The following MAGI3 variants were observed in gnomAD, a reference collection of about 807,000 sequenced individuals.
MAGI3 encodes the protein membrane-associated guanylate kinase, WW and PDZ domain-containing protein 3.
MAGI3 carries 43 observed loss-of-function variants against 121.8 expected under a neutral mutation model. The observed-to-expected ratio is 0.35, with a 90% CI of 0.28 to 0.46. The LOEUF is 0.46. Ranked by LOEUF, MAGI3 falls within the 20% of genes least tolerant of loss-of-function variation. MAGI3 has a pLI of 1.00. For missense variants in MAGI3, 1,547 were observed against 1,797.3 expected (o/e 0.86, Z 2.52); for synonymous variants, 553 against 639.3 (o/e 0.86, Z 2.04).
intron 1 of MAGI3, among the ~76,000 whole-genome samples, chr1:113,503,647 C>T (rs1385449145): frequency 6.6e-6 from 1 of 151,964 alleles, no homozygotes; most frequent in Non-Finnish European, 1.5e-5. Context: ...TACTTGGCAT[C>T]AAGTTGATAT....
intron 1 of MAGI3, among the ~76,000 whole-genome samples, chr1:113,408,079 A>G (rs1651784281): frequency 6.6e-6 from 1 of 152,160 alleles, no homozygotes; most frequent in Non-Finnish European, 1.5e-5. Flanking sequence ...TGTGCCTTGC[A>G]TACCTACTAT....
At chr1:113,464,367 T>C (rs1171445982) in intron 1 of MAGI3, among the ~76,000 whole-genome samples, 1 of 152,186 alleles carries the variant, frequency 6.6e-6, no homozygotes, top group Non-Finnish European at 1.5e-5. Flanking sequence ...CCATTGTGTA[T>C]ACATACTACA....
chr1:113,588,364 G>C (rs765770700), intron 4 of MAGI3, among the ~76,000 whole-genome samples: 2 of 152,178 alleles, frequency 1.3e-5, no homozygotes, highest in Non-Finnish European at 2.9e-5. Context: ...TATGTGGTTG[G>C]AGCAGAGTGA....
At chr1:113,465,490 T>C (rs375753710) in intron 1 of MAGI3, among the ~76,000 whole-genome samples, 129 of 152,268 alleles carry the variant, frequency 8.5e-4, no homozygotes, top group East Asian at 3.1e-3. Context: ...ATTTGGGGTC[T>C]TTTGTGATTC....
chr1:113,452,690 C>T (rs371628703), intron 1 of MAGI3, among the ~76,000 whole-genome samples: 2 of 152,052 alleles, frequency 1.3e-5, no homozygotes, highest in East Asian at 3.8e-4. Context: ...GTTTTGTATA[C>T]TTTTTTCTCT....
intron 9 of MAGI3, among the ~76,000 whole-genome samples, chr1:113,631,142 C>T (rs1651605824): frequency 6.6e-6 from 1 of 152,174 alleles, no homozygotes; most frequent in Non-Finnish European, 1.5e-5. Flanking sequence ...AATCGCTGTG[C>T]TCACCCTCTC....
intron 1 of MAGI3, among the ~76,000 whole-genome samples, chr1:113,503,276 C>T (rs1379524341): frequency 1.1e-5 from 1 of 93,338 alleles, no homozygotes; most frequent in Non-Finnish European, 2.0e-5. Flanking sequence ...CACTGCACTC[C>T]AGCCTGGGTG....
intron 10 of MAGI3, 27 bp downstream of exon 10, chr1:113,642,543 G>A (rs1256984156): frequency 4.4e-6 from 7 of 1,583,166 alleles, no homozygotes; most frequent in African/African-American, 1.4e-5. Context: ...CATAGAAAAA[G>A]TTTCAGTGTT....
chr1:113,513,311 G>A (rs533257509), intron 1 of MAGI3, among the ~76,000 whole-genome samples: 38 of 152,010 alleles, frequency 2.5e-4, no homozygotes, highest in Non-Finnish European at 4.4e-4. Context: ...AAAAGACCAC[G>A]TCGCCAAGTC....
At chr1:113,631,936 G>A (rs770144680) in intron 9 of MAGI3, among the ~76,000 whole-genome samples, 13 of 152,122 alleles carry the variant, frequency 8.5e-5, no homozygotes, top group African/African-American at 1.2e-4. Context: ...TTCTGATTGC[G>A]GGGGGAAGTT....
chr1:113,531,225 A>G (rs1658704388), intron 1 of MAGI3, among the ~76,000 whole-genome samples: 1 of 152,202 alleles, frequency 6.6e-6, no homozygotes, highest in Admixed American at 6.5e-5. Context: ...TAAAGCTTAC[A>G]TACAGGTTAT....
At chr1:113,540,666 A>G (rs1659250140) in intron 1 of MAGI3, among the ~76,000 whole-genome samples, 1 of 152,200 alleles carries the variant, frequency 6.6e-6, no homozygotes, top group African/African-American at 2.4e-5. Flanking sequence ...AAGTGAGAAT[A>G]TAGATATAGA....
chr1:113,488,326 A>G (rs1285505918), intron 1 of MAGI3, among the ~76,000 whole-genome samples: 1 of 152,184 alleles, frequency 6.6e-6, no homozygotes, highest in African/African-American at 2.4e-5. Flanking sequence ...ACTTGCTCCT[A>G]TAGGAGTCTT....
At chr1:113,656,562 T>G (rs550550519) in intron 15 of MAGI3, among the ~76,000 whole-genome samples, 45 of 152,114 alleles carry the variant, frequency 3.0e-4, no homozygotes, top group African/African-American at 1.1e-3. Flanking sequence ...TACAGGCATG[T>G]GCCAACACAC....
Position 113,594,479 on chromosome 1 carries a change from A to G in MAGI3, c.939-2A>G. 1 of 1,607,570 alleles carries G rather than the reference A, an allele frequency of 6.2e-7. No individual in the cohort carries two copies. Among genetic ancestry groups the G allele is most frequent in the Non-Finnish European group, 8.5e-7 (1 of 1,177,582 alleles). ...TTTCTAATTAAAATCTTTATTCTAC[A>G]GCCACAATACCAAGACAACCACCTG... On this transcript the variant is annotated splice_acceptor_variant, in intron 5 of 20. Transcript: ENST00000307546. LOFTEE classifies it high-confidence loss of function.
intron 1 of MAGI3, among the ~76,000 whole-genome samples, chr1:113,495,013 T>C (rs1250066321): frequency 2.0e-5 from 3 of 152,208 alleles, no homozygotes; most frequent in Non-Finnish European, 4.4e-5. Context: ...TGGAAAAATC[T>C]TCTTAGTTCA....
intron 2 of MAGI3, among the ~76,000 whole-genome samples, chr1:113,555,643 A>G (rs942233220): frequency 1.3e-5 from 2 of 152,184 alleles, no homozygotes; most frequent in African/African-American, 2.4e-5. Flanking sequence ...CCATCATGAA[A>G]TTAAATTAGA....
intron 1 of MAGI3, among the ~76,000 whole-genome samples, chr1:113,503,582 T>C (rs1657156582): frequency 6.6e-6 from 1 of 152,146 alleles, no homozygotes; most frequent in East Asian, 1.9e-4. Flanking sequence ...ATTACTTTTC[T>C]ATAACTGTAA....
chr1:113,670,003 CAAA>C (rs11302295), intron 16 of MAGI3, among the ~76,000 whole-genome samples: 4 of 85,206 alleles, frequency 4.7e-5, no homozygotes, highest in Admixed American at 1.2e-4. Flanking sequence ...TCCAGGTCTC[CAAA>C]AAAAAAAAAA....
Sources: gnomAD v4.1 joint callset for allele counts (sites outside exome capture counted in the v4.1 genomes callset) on GRCh38, gnomAD v4.1.1 for gene constraint, MANE v1.5 for transcripts, NCBI Gene and HGNC (gene_info 2026-07-23, HGNC 2026-07-21) for gene names.